Variants in DDR2 observed in about 807,000 individuals in gnomAD.
DDR2 encodes discoidin domain receptor tyrosine kinase 2, also known as discoidin domain-containing receptor 2.
Under a neutral mutation model 94.9 loss-of-function variants are expected in DDR2, and 27 were observed. The observed-to-expected ratio is 0.28, with a 90% CI of 0.21 to 0.39. The LOEUF (loss-of-function observed/expected upper bound fraction) is 0.39. Among genes scored for constraint, DDR2 ranks in the 10% least tolerant of loss-of-function variants. The pLI, the probability that DDR2 is intolerant of heterozygous loss-of-function variation, is 1.00. For synonymous variants in DDR2, 382 were observed against 377.2 expected, an observed-to-expected ratio of 1.01 and a Z score of -0.15; for missense variants, 783 against 1,076.0, an observed-to-expected ratio of 0.73 and a Z score of 3.81.
intron 11 of DDR2, among the ~76,000 whole-genome samples, chr1:162,768,711 T>C (rs1200743877): frequency 1.3e-5 from 2 of 152,130 alleles, no homozygotes; most frequent in African/African-American, 4.8e-5. Flanking sequence ...TGTTTTAAGG[T>C]TTTTAGGAAG....
intron 3 of DDR2, 124 bp downstream of exon 3, chr1:162,719,269 A>G (rs887534277): frequency 2.0e-6 from 3 of 1,525,124 alleles, no homozygotes; most frequent in African/African-American, 1.4e-5. Flanking sequence ...TTAAATCTCC[A>G]TGGTGAAATA....
rs532021079 is a variant in DDR2 at position 162,673,091 on chromosome 1, C to T, written c.-28+17717C>T. The stretch of plus-strand genomic sequence containing the variant: ...TGCCCATTTTAGTTCTGTAATTAGA[C>T]ATAAAGACATTAATTTTGTAGGTAT... On this transcript the variant is annotated intron_variant, in intron 2 of 17. Coordinates refer to ENST00000367921, the MANE Select transcript of DDR2 (RefSeq NM_006182.4). 1.2e-4 allele frequency among the ~76,000 whole-genome samples: 19 copies of T among 152,270 alleles called. No individual in the cohort carries two copies. The East Asian group carries it at 1.3e-3, about 11-fold the overall frequency.
intron 2 of DDR2, among the ~76,000 whole-genome samples, chr1:162,659,013 G>A (rs1025428509): frequency 2.6e-5 from 4 of 151,950 alleles, no homozygotes; most frequent in African/African-American, 9.7e-5. Flanking sequence ...AGAATAACAT[G>A]CTCTTATTTG....
intron 3 of DDR2, among the ~76,000 whole-genome samples, chr1:162,733,280 C>T (rs1203899653): frequency 6.6e-6 from 1 of 152,196 alleles, no homozygotes; most frequent in Non-Finnish European, 1.5e-5. Flanking sequence ...CTTGGCAGTT[C>T]TGAGTCTTGA....
chr1:162,764,159 A>T (rs1044121640), intron 9 of DDR2, among the ~76,000 whole-genome samples: 4 of 152,224 alleles, frequency 2.6e-5, no homozygotes, highest in Non-Finnish European at 5.9e-5. Context: ...TTCTGTATGT[A>T]GTTATGTCAC....
chr1:162,771,119 T>G (rs1439248534), intron 12 of DDR2, among the ~76,000 whole-genome samples: 3 of 152,186 alleles, frequency 2.0e-5, no homozygotes, highest in Non-Finnish European at 4.4e-5. Flanking sequence ...AATAAAACAA[T>G]AAAACAGGTA....
intron 2 of DDR2, among the ~76,000 whole-genome samples, chr1:162,702,851 G>A (rs1321282765): frequency 1.3e-5 from 2 of 152,138 alleles, no homozygotes; most frequent in African/African-American, 4.8e-5. Context: ...CACTCAGCTA[G>A]CTAACTCCCT....
chr1:162,758,472 C>A (rs1445635656), intron 7 of DDR2, among the ~76,000 whole-genome samples: 2 of 152,022 alleles, frequency 1.3e-5, no homozygotes, highest in African/African-American at 4.8e-5. Flanking sequence ...AACAGGCATT[C>A]CTTTTAATTT....
At chr1:162,641,603 T>C (rs1192364172) in intron 1 of DDR2, among the ~76,000 whole-genome samples, 4 of 152,248 alleles carry the variant, frequency 2.6e-5, no homozygotes, top group African/African-American at 9.6e-5. Flanking sequence ...TTATTTTATA[T>C]GCCTGGCACA....
intron 2 of DDR2, among the ~76,000 whole-genome samples, chr1:162,706,494 C>G (rs1660667989): frequency 6.6e-6 from 1 of 152,190 alleles, no homozygotes; most frequent in Non-Finnish European, 1.5e-5. Context: ...AACTCACAAG[C>G]CATAAGCTCT....
At chr1:162,718,425 C>T (rs1571237630) in intron 2 of DDR2, among the ~76,000 whole-genome samples, 1 of 152,268 alleles carries the variant, frequency 6.6e-6, no homozygotes, top group East Asian at 1.9e-4. Flanking sequence ...CTAACCCAGG[C>T]ATATACACAT....
chr1:162,743,890 A>T, intron 3 of DDR2, among the ~76,000 whole-genome samples: 1 of 152,224 alleles, frequency 6.6e-6, no homozygotes, highest in Non-Finnish European at 1.5e-5. Context: ...CCCCCAGGAA[A>T]CAACTGATCT....
At chr1:162,722,190 G>A (rs1338797253) in intron 3 of DDR2, among the ~76,000 whole-genome samples, 1 of 152,206 alleles carries the variant, frequency 6.6e-6, no homozygotes. Context: ...GCTGAAGCAC[G>A]AAGGCAGCAG....
chr1:162,632,024 G>C (rs372084918), upstream of DDR2: 7 of 151,496 alleles, frequency 4.6e-5, no homozygotes, highest in East Asian at 1.4e-3. Context: ...CCGCGTGTGT[G>C]CCCCAACTGT....
chr1:162,675,121 C>T (rs927211176), intron 2 of DDR2, among the ~76,000 whole-genome samples: 1 of 151,642 alleles, frequency 6.6e-6, no homozygotes, highest in African/African-American at 2.4e-5. Context: ...CATGCTATTG[C>T]GTTCCAGCCT....
chr1:162,772,070 G>C lies in DDR2; in HGVS notation c.1551G>C (p.Gly517=), dbSNP rs759391762. The C allele has an allele frequency of 5.6e-6, 9 of 1,613,392 alleles. No individual in the cohort carries two copies. The African/African-American group carries it at 9.3e-5, about 17-fold the overall frequency. The part of the protein sequence containing the change: ...VKPVQPSGPE[G]VPHYAEADIV... ...CAGTCCAGCCCAGTGGCCCTGAGGG[G>C]GTGCCCCACTATGCAGAGGCTGACA... The change falls in exon 13 of 18, where the codon GGG becomes GGC. Residue 517 remains glycine (G), a synonymous_variant. Coordinates refer to ENST00000367921, the MANE Select transcript of DDR2 (RefSeq NM_006182.4).
chr1:162,776,199 T>C lies in DDR2; in HGVS notation c.2112T>C (p.Leu704=), dbSNP rs376319162. 1.9e-6 allele frequency: 3 copies of C among 1,613,906 alleles called. No individual in the cohort carries two copies. The African/African-American group carries it at 4.0e-5, about 22-fold the overall frequency. The part of the protein sequence containing the change: ...IASGMKYLSS[L]NFVHRDLATR... ...CTGGCATGAAGTACCTTTCCTCTCT[T>C]AATTTTGTTCACCGAGATCTGGCCA... The change falls in exon 16 of 18, where the codon CTT becomes CTC. Residue 704 remains leucine (L), a synonymous_variant. Transcript: ENST00000367921.
chr1:162,707,274 G>A (rs1349310606), intron 2 of DDR2, among the ~76,000 whole-genome samples: 1 of 152,166 alleles, frequency 6.6e-6, no homozygotes, highest in Non-Finnish European at 1.5e-5. Context: ...TAAGGCAATT[G>A]AGCCTTACAA....
At chr1:162,683,394 C>T (rs1659508081) in intron 2 of DDR2, among the ~76,000 whole-genome samples, 1 of 152,042 alleles carries the variant, frequency 6.6e-6, no homozygotes, top group South Asian at 2.1e-4. Context: ...TTGAAGATGA[C>T]ATGATTGCCT....
Sources: allele counts gnomAD v4.1 joint callset (sites outside exome capture counted in the v4.1 genomes callset), GRCh38; gene constraint gnomAD v4.1.1; transcripts MANE v1.5; gene names NCBI Gene and HGNC (gene_info 2026-07-23, HGNC 2026-07-21).